Variants in BANP observed in about 807,000 individuals in gnomAD.
BANP encodes BTG3 associated nuclear protein, also known as protein BANP.
In BANP, 11 loss-of-function variants were observed where a neutral mutation model predicts 68.1. The observed-to-expected ratio is 0.16, with a 90% CI of 0.10 to 0.27. The LOEUF (loss-of-function observed/expected upper bound fraction) is 0.27, where lower values mean the gene tolerates loss of function less well. Ranked by LOEUF, BANP falls within the 10% of genes least tolerant of loss-of-function variation. BANP has a pLI of 1.00. For missense variants in BANP, 504 were observed against 722.7 expected, an observed-to-expected ratio of 0.70 and a Z score of 3.47; for synonymous variants, 329 against 303.2, an observed-to-expected ratio of 1.09 and a Z score of -0.88.
intron 11 of BANP, among the ~76,000 whole-genome samples, chr16:88,046,883 G>A (rs1048054624): frequency 6.6e-6 from 1 of 151,992 alleles, no homozygotes; most frequent in Non-Finnish European, 1.5e-5. Context: ...TGGCTAACAC[G>A]GTGAAACCCC....
At chr16:87,996,214 C>T (rs2067156427) in intron 4 of BANP, among the ~76,000 whole-genome samples, 1 of 152,210 alleles carries the variant, frequency 6.6e-6, no homozygotes, top group East Asian at 1.9e-4. Context: ...CCCGTCATTT[C>T]CACATTTGAC....
intron 9 of BANP, among the ~76,000 whole-genome samples, chr16:88,034,219 T>C (rs1377367023): frequency 1.3e-5 from 2 of 152,246 alleles, no homozygotes; most frequent in East Asian, 3.8e-4. Context: ...TAGTGAATCT[T>C]ATTTAATAAG....
chr16:87,996,608 C>G (rs1269966593), intron 4 of BANP, among the ~76,000 whole-genome samples: 5 of 149,506 alleles, frequency 3.3e-5, no homozygotes, highest in Admixed American at 6.6e-5. Flanking sequence ...GCCGGCTGGG[C>G]TCTGGTTCTG....
chr16:87,975,741 G>A (rs1292762927), intron 2 of BANP, among the ~76,000 whole-genome samples: 1 of 148,852 alleles, frequency 6.7e-6, no homozygotes, highest in African/African-American at 2.5e-5. Flanking sequence ...TTCCCATGTT[G>A]TGTGTGTAAT....
intron 11 of BANP, among the ~76,000 whole-genome samples, chr16:88,040,828 G>A (rs1315550089): frequency 3.3e-5 from 5 of 152,238 alleles, no homozygotes; most frequent in East Asian, 1.9e-4. Context: ...CACCCCAACC[G>A]GAGTAAGAGA....
chr16:87,950,352 C>T (rs965212586), upstream of BANP: 5 of 152,104 alleles, frequency 3.3e-5, no homozygotes, highest in Admixed American at 6.5e-5. Flanking sequence ...TTTCTGGGAA[C>T]TGCGCTATGG....
chr16:88,031,015 C>G (rs1225663989), intron 8 of BANP, among the ~76,000 whole-genome samples: 1 of 152,266 alleles, frequency 6.6e-6, no homozygotes, highest in Non-Finnish European at 1.5e-5. Context: ...GGAGGAACAG[C>G]AGCTCCGCGG....
intron 8 of BANP, among the ~76,000 whole-genome samples, chr16:88,030,422 A>G (rs750677846): frequency 6.6e-6 from 1 of 152,260 alleles, no homozygotes; most frequent in South Asian, 2.1e-4. Flanking sequence ...AGTTGTTGCC[A>G]GGCTTGCCTT....
chr16:88,007,952 C>T (rs527820032), intron 6 of BANP, among the ~76,000 whole-genome samples: 1 of 152,090 alleles, frequency 6.6e-6, no homozygotes, highest in African/African-American at 2.4e-5. Context: ...CAAGGTTGTA[C>T]AGTCATCACT....
chr16:88,045,564 C>A (rs942994015), intron 11 of BANP, among the ~76,000 whole-genome samples: 1 of 152,158 alleles, frequency 6.6e-6, no homozygotes, highest in African/African-American at 2.4e-5. Flanking sequence ...CGTTCATTCC[C>A]GGCAGAGAAG....
At chr16:88,042,368 C>T (rs2081040853) in intron 11 of BANP, among the ~76,000 whole-genome samples, 2 of 152,344 alleles carry the variant, frequency 1.3e-5, no homozygotes, top group African/African-American at 4.8e-5. Flanking sequence ...CGAGCTGTGC[C>T]CTCCAGCGCT....
chr16:88,038,898 AC>A (rs1441496522), intron 11 of BANP, among the ~76,000 whole-genome samples: 8 of 152,338 alleles, frequency 5.3e-5, no homozygotes, highest in Non-Finnish European at 1.0e-4. Context: ...AACAGAGCTC[AC>A]TGCGTAGAAA....
intron 11 of BANP, among the ~76,000 whole-genome samples, chr16:88,044,259 C>T (rs2081448781): frequency 6.6e-6 from 1 of 152,230 alleles, no homozygotes; most frequent in African/African-American, 2.4e-5. Flanking sequence ...AGCAGCTTTC[C>T]ATCGTGGTTC....
intron 9 of BANP, among the ~76,000 whole-genome samples, chr16:88,033,773 G>A (rs931561268): frequency 4.6e-5 from 7 of 152,330 alleles, no homozygotes; most frequent in Non-Finnish European, 7.3e-5. Flanking sequence ...TTGCCCGTGC[G>A]GAGTTCTCTA....
chr16:87,984,950 C>G (rs1436052881), intron 4 of BANP, among the ~76,000 whole-genome samples: 1 of 152,188 alleles, frequency 6.6e-6, no homozygotes, highest in African/African-American at 2.4e-5. Flanking sequence ...TTTGACTGAG[C>G]GCTACTCACT....
At position 87,955,492 on chromosome 16, in the gene BANP, G is replaced by A. The variant is rs143122466; in HGVS notation, c.-69+3977G>A. Among the ~76,000 whole-genome samples, 12 of 152,224 alleles carry A rather than the reference G, an allele frequency of 7.9e-5. No homozygotes were observed. The South Asian group carries it at 1.7e-3, about 21-fold the overall frequency. On this transcript the variant is annotated intron_variant, in intron 1 of 13. Coordinates refer to ENST00000682872, the MANE Select transcript of BANP (RefSeq NM_001386991.1). The stretch of plus-strand genomic sequence containing the variant: ...TATGTAACCAGGCATCCATATAAAC[G>A]CCAGAAAGTTCACAGCATTATTGCG...
At chr16:88,040,253 TC>T (rs1251884027) in intron 11 of BANP, among the ~76,000 whole-genome samples, 7 of 141,906 alleles carry the variant, frequency 4.9e-5, no homozygotes, top group African/African-American at 1.8e-4. Flanking sequence ...TTTGTGGAAA[TC>T]CTTTTTTTTT....
intron 1 of BANP, among the ~76,000 whole-genome samples, chr16:87,968,475 ACT>A (rs1379400986): frequency 8.4e-6 from 1 of 119,574 alleles, no homozygotes; most frequent in Non-Finnish European, 1.7e-5. Context: ...CAAGAGTGAA[ACT>A]CTGTCTCAAA....
At chr16:87,951,057 A>T (rs1043138692), upstream of BANP, 13 of 152,262 alleles carry the variant, frequency 8.5e-5, no homozygotes, top group African/African-American at 2.9e-4. Flanking sequence ...CATGGCCCAG[A>T]CGCAGGGACT....
Sources: gnomAD v4.1 joint callset for allele counts (sites outside exome capture counted in the v4.1 genomes callset) on GRCh38, gnomAD v4.1.1 for gene constraint, MANE v1.5 for transcripts, NCBI Gene and HGNC (gene_info 2026-07-23, HGNC 2026-07-21) for gene names.